GNAL: variants seen among roughly 807,000 people sequenced by gnomAD.
The protein encoded by GNAL is guanine nucleotide-binding protein G(olf) subunit alpha.
GNAL carries 18 observed loss-of-function variants against 55.1 expected under a neutral mutation model. That is an observed-to-expected ratio of 0.33 (90% confidence interval 0.23 to 0.48). The LOEUF is 0.48. Ranked by LOEUF, GNAL falls within the 20% of genes least tolerant of loss-of-function variation. The pLI, the probability that GNAL is intolerant of heterozygous loss-of-function variation, is 0.99. For missense variants in GNAL, 412 were observed against 614.1 expected, an observed-to-expected ratio of 0.67 and a Z score of 3.48; for synonymous variants, 253 against 237.0, an observed-to-expected ratio of 1.07 and a Z score of -0.62.
intron 5 of GNAL, among the ~76,000 whole-genome samples, chr18:11,862,157 G>A (rs1188204615): frequency 6.6e-6 from 1 of 151,968 alleles, no homozygotes; most frequent in African/African-American, 2.4e-5. Context: ...GAGAAGAGAG[G>A]GGAGAGAAGG....
chr18:11,745,464 G>T (rs975962807), intron 1 of GNAL, among the ~76,000 whole-genome samples: 1 of 152,140 alleles, frequency 6.6e-6, no homozygotes, highest in Non-Finnish European at 1.5e-5. Flanking sequence ...AAGTATAAAA[G>T]AAATTTAAAT....
At chr18:11,736,109 ACTTCT>A (rs2032457390) in intron 1 of GNAL, among the ~76,000 whole-genome samples, 1 of 152,222 alleles carries the variant, frequency 6.6e-6, no homozygotes, top group Non-Finnish European at 1.5e-5. Context: ...TATTAAAGAT[ACTTCT>A]GGCTGGGCAT....
At chr18:11,864,065 C>T (rs1344685905) in intron 6 of GNAL, among the ~76,000 whole-genome samples, 2 of 150,490 alleles carry the variant, frequency 1.3e-5, no homozygotes, top group Non-Finnish European at 3.0e-5. Flanking sequence ...GAGGATAAAA[C>T]AGAGAACATT....
chr18:11,696,933 G>A (rs1314108230), intron 1 of GNAL, among the ~76,000 whole-genome samples: 1 of 152,160 alleles, frequency 6.6e-6, no homozygotes, highest in Non-Finnish European at 1.5e-5. Flanking sequence ...ACTGGAGTCA[G>A]ACCTTGTCCG....
chr18:11,767,716 G>A (rs930082243), intron 4 of GNAL, among the ~76,000 whole-genome samples: 1 of 152,094 alleles, frequency 6.6e-6, no homozygotes, highest in African/African-American at 2.4e-5. Context: ...CACGCTTGCT[G>A]TCTGTGCACG....
intron 1 of GNAL, among the ~76,000 whole-genome samples, chr18:11,724,245 G>T (rs879652965): frequency 6.6e-6 from 1 of 152,154 alleles, no homozygotes; most frequent in African/African-American, 2.4e-5. Context: ...CTCTGGGGGG[G>T]ACCTCAGGAA....
intron 4 of GNAL, among the ~76,000 whole-genome samples, chr18:11,809,423 A>G (rs1446161523): frequency 6.6e-6 from 1 of 152,232 alleles, no homozygotes; most frequent in Non-Finnish European, 1.5e-5. Flanking sequence ...TGAATTCTAC[A>G]CTTAAGATTG....
intron 4 of GNAL, among the ~76,000 whole-genome samples, chr18:11,805,830 G>A (rs988569404): frequency 2.0e-5 from 3 of 152,042 alleles, no homozygotes; most frequent in Non-Finnish European, 2.9e-5. Context: ...GTATCTTTTT[G>A]ACATAATGAT....
At chr18:11,851,049 C>T (rs539999072) in intron 5 of GNAL, among the ~76,000 whole-genome samples, 1 of 152,304 alleles carries the variant, frequency 6.6e-6, no homozygotes, top group South Asian at 2.1e-4. Context: ...GTTTTTAGCC[C>T]GCTAGCCAGT....
intron 4 of GNAL, among the ~76,000 whole-genome samples, chr18:11,791,386 G>A (rs888841174): frequency 2.0e-5 from 3 of 152,196 alleles, no homozygotes; most frequent in Non-Finnish European, 2.9e-5. Flanking sequence ...CAGTGAAGAC[G>A]CCTGGGTTAG....
chr18:11,711,233 G>A (rs528769220), intron 1 of GNAL, among the ~76,000 whole-genome samples: 18 of 152,180 alleles, frequency 1.2e-4, no homozygotes, highest in Admixed American at 9.2e-4. Flanking sequence ...TCATGAATCC[G>A]GATATCCATT....
intron 4 of GNAL, among the ~76,000 whole-genome samples, chr18:11,766,764 C>T (rs1053513227): frequency 2.0e-5 from 3 of 152,100 alleles, no homozygotes; most frequent in South Asian, 2.1e-4. Flanking sequence ...AAATATAGAA[C>T]GATTTTATTA....
chr18:11,769,045 A>T (rs1464521689), intron 4 of GNAL, among the ~76,000 whole-genome samples: 1 of 106,332 alleles, frequency 9.4e-6, no homozygotes. Context: ...TATAATATAT[A>T]ATATATATAA....
intron 4 of GNAL, among the ~76,000 whole-genome samples, chr18:11,807,574 G>C (rs1479156583): frequency 6.6e-6 from 1 of 152,250 alleles, no homozygotes; most frequent in Admixed American, 6.5e-5. Flanking sequence ...TAAGAGTTCT[G>C]TTTGGCACTT....
At chr18:11,834,960 G>A (rs1050182345) in intron 5 of GNAL, among the ~76,000 whole-genome samples, 3 of 152,138 alleles carry the variant, frequency 2.0e-5, no homozygotes, top group Non-Finnish European at 2.9e-5. Flanking sequence ...TGCCTCTTAG[G>A]GACTCGCTTC....
intron 1 of GNAL, among the ~76,000 whole-genome samples, chr18:11,692,471 AC>A (rs2031280218): frequency 6.6e-6 from 1 of 152,248 alleles, no homozygotes. Flanking sequence ...ATCGCAGAGC[AC>A]ACGTTTCCAG....
intron 8 of GNAL, 111 bp downstream of exon 8, chr18:11,867,337 C>T (rs1427421903): frequency 8.2e-6 from 6 of 734,150 alleles, no homozygotes; most frequent in Non-Finnish European, 1.4e-5. Flanking sequence ...TAAAGTATAG[C>T]ATTTATAGAT....
intron 4 of GNAL, among the ~76,000 whole-genome samples, chr18:11,763,060 A>G (rs1038771698): frequency 1.3e-5 from 2 of 152,242 alleles, no homozygotes; most frequent in Non-Finnish European, 2.9e-5. Context: ...TACTTTTCTT[A>G]AATTCCATTT....
intron 4 of GNAL, among the ~76,000 whole-genome samples, chr18:11,755,028 GTA>G (rs1491129720): frequency 2.8e-4 from 38 of 136,686 alleles, no homozygotes; most frequent in African/African-American, 7.8e-4. Context: ...GTGTGTGTGT[GTA>G]TGTGTATTCA....
Sources: allele counts gnomAD v4.1 joint callset (sites outside exome capture counted in the v4.1 genomes callset), GRCh38; gene constraint gnomAD v4.1.1; transcripts MANE v1.5; gene names NCBI Gene and HGNC (gene_info 2026-07-23, HGNC 2026-07-21).